LRP1B: variants seen among roughly 807,000 people sequenced by gnomAD.
LRP1B encodes the protein low-density lipoprotein receptor-related protein 1B.
LRP1B carries 217 observed loss-of-function variants against 556.6 expected under a neutral mutation model. That is an observed-to-expected ratio of 0.39 (90% CI 0.35 to 0.44). LRP1B has a LOEUF of 0.44. LRP1B is among the 20% of genes least tolerant of loss of function. The pLI, the probability that LRP1B is intolerant of heterozygous loss-of-function variation, is 1.00. For missense variants in LRP1B, 5,053 were observed against 5,620.8 expected (o/e 0.90, Z 3.23); for synonymous variants, 2,047 against 1,865.8 (o/e 1.10, Z -2.50).
chr2:141,217,453 C>T lies in LRP1B; in HGVS notation c.850+11730G>A, dbSNP rs570011535. The stretch of plus-strand genomic sequence containing the variant: ...AATTATTAGACAGTTGCTAACTCAA[C>T]GGAAAAAGGTGAGCTTGATAGAAGA... On this transcript the variant is annotated intron_variant, in intron 6 of 90. Transcript: ENST00000389484. 3.6e-4 allele frequency among the ~76,000 whole-genome samples: 55 copies of T among 152,080 alleles called. No homozygotes were observed. The Middle Eastern group carries it at 0.014, about 38-fold the overall frequency.
chr2:141,668,725 T>G (rs1404098252), intron 2 of LRP1B, among the ~76,000 whole-genome samples: 1 of 152,224 alleles, frequency 6.6e-6, no homozygotes, highest in South Asian at 2.1e-4. Context: ...ATGGACAAGG[T>G]CAGGTACCAA....
At chr2:140,648,357 C>A (rs1476626405) in intron 41 of LRP1B, among the ~76,000 whole-genome samples, 1 of 151,966 alleles carries the variant, frequency 6.6e-6, no homozygotes, top group Non-Finnish European at 1.5e-5. Context: ...TTAATGGGTG[C>A]AGCACACCAA....
chr2:141,350,655 C>T (rs942321404), intron 3 of LRP1B, among the ~76,000 whole-genome samples: 3 of 152,066 alleles, frequency 2.0e-5, no homozygotes, highest in Non-Finnish European at 2.9e-5. Flanking sequence ...ATCACTCACA[C>T]TTTGGAAGTA....
chr2:140,547,357 A>C (rs1680380233), intron 43 of LRP1B, among the ~76,000 whole-genome samples: 1 of 151,962 alleles, frequency 6.6e-6, no homozygotes, highest in Admixed American at 6.6e-5. Context: ...TCAGGGATTC[A>C]ATTTTTTTCC....
intron 2 of LRP1B, among the ~76,000 whole-genome samples, chr2:141,623,639 A>AG (rs1426202458): frequency 6.6e-6 from 1 of 152,128 alleles, no homozygotes; most frequent in Non-Finnish European, 1.5e-5. Flanking sequence ...TAGAGTAACA[A>AG]GCAAGCAAAA....
At chr2:141,428,774 A>G (rs1680462853) in intron 3 of LRP1B, among the ~76,000 whole-genome samples, 1 of 152,166 alleles carries the variant, frequency 6.6e-6, no homozygotes, top group Non-Finnish European at 1.5e-5. Context: ...TATCTTGTAT[A>G]TTACATCTCA....
chr2:141,110,735 T>C (rs1363530789), intron 7 of LRP1B, among the ~76,000 whole-genome samples: 1 of 152,104 alleles, frequency 6.6e-6, no homozygotes, highest in Non-Finnish European at 1.5e-5. Context: ...TCACTTTTGA[T>C]TTCCTTTCTG....
At chr2:140,643,274 A>G (rs1684368161) in intron 41 of LRP1B, among the ~76,000 whole-genome samples, 1 of 152,098 alleles carries the variant, frequency 6.6e-6, no homozygotes, top group Non-Finnish European at 1.5e-5. Context: ...GTTTTTTTCA[A>G]TAGCTGTTAC....
At chr2:140,614,620 A>C (rs1683195138) in intron 41 of LRP1B, among the ~76,000 whole-genome samples, 1 of 152,164 alleles carries the variant, frequency 6.6e-6, no homozygotes, top group South Asian at 2.1e-4. Flanking sequence ...ATGTGGCAGA[A>C]GAGAAGAAAA....
chr2:141,227,801 C>A (rs910475428), intron 6 of LRP1B, among the ~76,000 whole-genome samples: 2 of 152,100 alleles, frequency 1.3e-5, no homozygotes, highest in Non-Finnish European at 2.9e-5. Context: ...AGGGTTAATA[C>A]CCAGTTCATG....
intron 66 of LRP1B, among the ~76,000 whole-genome samples, chr2:140,425,053 G>A (rs1164219684): frequency 1.4e-5 from 2 of 147,298 alleles, no homozygotes; most frequent in Admixed American, 6.8e-5. Context: ...TTGGAGGGAC[G>A]TTTTTTTTTT....
chr2:141,747,051 C>G (rs1337799484), intron 2 of LRP1B, among the ~76,000 whole-genome samples: 2 of 152,072 alleles, frequency 1.3e-5, no homozygotes, highest in Non-Finnish European at 2.9e-5. Flanking sequence ...AAACCTCTTC[C>G]CCTTATTTGT....
At chr2:141,778,361 G>A (rs1695142143) in intron 2 of LRP1B, among the ~76,000 whole-genome samples, 1 of 152,140 alleles carries the variant, frequency 6.6e-6, no homozygotes, top group Non-Finnish European at 1.5e-5. Flanking sequence ...TGAAGGGTCA[G>A]GCAAGCAGCA....
chr2:140,280,876 C>T (rs991289946), intron 84 of LRP1B, among the ~76,000 whole-genome samples: 9 of 151,714 alleles, frequency 5.9e-5, no homozygotes, highest in Admixed American at 6.6e-5. Context: ...TGAACTTACA[C>T]AACCCTTTAT....
intron 11 of LRP1B, among the ~76,000 whole-genome samples, chr2:141,029,074 A>C (rs1217310205): frequency 6.6e-6 from 1 of 152,104 alleles, no homozygotes; most frequent in Non-Finnish European, 1.5e-5. Context: ...ATCTGATGGA[A>C]GAACGTTCCA....
intron 1 of LRP1B, among the ~76,000 whole-genome samples, chr2:141,879,585 T>C (rs1463270302): frequency 6.6e-6 from 1 of 152,064 alleles, no homozygotes; most frequent in African/African-American, 2.4e-5. Flanking sequence ...TCAATAGATA[T>C]AATCACTAAT....
intron 11 of LRP1B, among the ~76,000 whole-genome samples, chr2:141,027,097 T>G (rs540898104): frequency 4.1e-4 from 62 of 152,178 alleles, no homozygotes; most frequent in African/African-American, 1.4e-3. Context: ...AAAGTTTCCT[T>G]GGAAGAAGGA....
chr2:140,979,640 A>G (rs1696709095), intron 18 of LRP1B, among the ~76,000 whole-genome samples: 1 of 152,192 alleles, frequency 6.6e-6, no homozygotes, highest in South Asian at 2.1e-4. Flanking sequence ...AAATGTTAAA[A>G]CATTTACCAA....
intron 1 of LRP1B, among the ~76,000 whole-genome samples, chr2:141,916,788 G>A (rs559566971): frequency 2.0e-5 from 3 of 152,150 alleles, no homozygotes; most frequent in Non-Finnish European, 4.4e-5. Context: ...GAGAGAGGAC[G>A]GAAAGGGTTG....
Sources: allele counts gnomAD v4.1 joint callset (sites outside exome capture counted in the v4.1 genomes callset), GRCh38; gene constraint gnomAD v4.1.1; transcripts MANE v1.5; gene names NCBI Gene and HGNC (gene_info 2026-07-23, HGNC 2026-07-21).